The following CDH23 variants were observed in gnomAD, a reference collection of about 807,000 sequenced individuals.
CDH23 encodes cadherin related 23.
A neutral mutation model predicts 317.1 loss-of-function variants in CDH23; 189 were observed. The observed-to-expected ratio is 0.60, with a 90% CI of 0.53 to 0.67. CDH23 has a LOEUF of 0.67. CDH23 is among the 30% of genes least tolerant of loss of function. The probability of loss-of-function intolerance (pLI) is 0.00; values close to 1 mark genes in which losing one functional copy is unlikely to be tolerated. For missense variants in CDH23, 4,401 were observed against 4,592.4 expected, an observed-to-expected ratio of 0.96 and a Z score of 1.20; for synonymous variants, 1,839 against 1,876.8, an observed-to-expected ratio of 0.98 and a Z score of 0.52.
chr10:71,416,321 A>G (rs958619928), intron 1 of CDH23, among the ~76,000 whole-genome samples: 1 of 152,178 alleles, frequency 6.6e-6, no homozygotes, highest in African/African-American at 2.4e-5. Context: ...CACTGTGCCC[A>G]GCTATAGCCT....
intron 62 of CDH23, among the ~76,000 whole-genome samples, chr10:71,810,973 AGGAGG>A (rs2132999812): frequency 6.6e-6 from 1 of 150,918 alleles, no homozygotes; most frequent in South Asian, 2.1e-4. Flanking sequence ...CCAGCTACTC[AGGAGG>A]CTGAGGCAGG....
chr10:71,622,212 T>G (rs1379830918), intron 11 of CDH23, among the ~76,000 whole-genome samples: 5 of 152,232 alleles, frequency 3.3e-5, no homozygotes, highest in African/African-American at 7.2e-5. Flanking sequence ...AGTCCTATAA[T>G]GTATATATCC....
chr10:71,694,688 G>A (rs1016207790), intron 21 of CDH23, among the ~76,000 whole-genome samples: 6 of 152,214 alleles, frequency 3.9e-5, no homozygotes, highest in South Asian at 2.1e-4. Flanking sequence ...GTGCCCCAGA[G>A]AGTAGAAAGC....
chr10:71,545,865 G>A (rs1027129467), intron 6 of CDH23, among the ~76,000 whole-genome samples: 4 of 152,182 alleles, frequency 2.6e-5, no homozygotes. Context: ...GACTCTCCAG[G>A]TAGAGGACAG....
intron 3 of CDH23, among the ~76,000 whole-genome samples, chr10:71,454,405 A>T (rs1850588709): frequency 6.6e-6 from 1 of 152,236 alleles, no homozygotes; most frequent in African/African-American, 2.4e-5. Context: ...AATGTGTCAG[A>T]CAAGCTTCCT....
chr10:71,693,775 GTAAGA>G (rs1865271728), intron 20 of CDH23, among the ~76,000 whole-genome samples: 1 of 152,226 alleles, frequency 6.6e-6, no homozygotes, highest in Non-Finnish European at 1.5e-5. Flanking sequence ...GAGAAAGCCA[GTAAGA>G]TAATGTCAAA....
intron 37 of CDH23, among the ~76,000 whole-genome samples, 200 bp from the exon 38 acceptor site, chr10:71,741,494 G>A (rs754739093): frequency 2.0e-5 from 3 of 152,206 alleles, no homozygotes; most frequent in Non-Finnish European, 4.4e-5. Flanking sequence ...GACCCAGTGA[G>A]TTAATGCAGG....
chr10:71,523,307 T>TGGGGCA (rs1854808312), intron 6 of CDH23, among the ~76,000 whole-genome samples: 2 of 152,204 alleles, frequency 1.3e-5, no homozygotes, highest in Non-Finnish European at 2.9e-5. Context: ...TGGTCAAGGC[T>TGGGGCA]GGGGCAGGGC....
Position 71,809,817 on chromosome 10 carries a change from C to A in CDH23, c.8723-3C>A. 6.2e-7 allele frequency: 1 copy of A among 1,609,524 alleles called. No homozygotes were observed. The highest frequency in any genetic ancestry group is 8.5e-7 in the Non-Finnish European group (1 of 1,177,212). On this transcript the variant is annotated splice_polypyrimidine_tract_variant and splice_region_variant and intron_variant, in intron 60 of 69. Coordinates refer to ENST00000224721, the MANE Select transcript of CDH23 (RefSeq NM_022124.6). The stretch of plus-strand genomic sequence containing the variant: ...CCGTACCCCGCCTTTGGGCTTCCTG[C>A]AGGGAGCATGGACGGCATTCTGCGC...
intron 9 of CDH23, among the ~76,000 whole-genome samples, chr10:71,585,961 G>A (rs56294630): frequency 0.14 from 20,937 of 152,126 alleles, 1,952 homozygotes; most frequent in African/African-American, 0.25. Flanking sequence ...CCCTTTCTGC[G>A]TCTCGTCTTC....
chr10:71,511,413 T>C (rs999238163), intron 6 of CDH23, among the ~76,000 whole-genome samples: 1 of 152,074 alleles, frequency 6.6e-6, no homozygotes, highest in African/African-American at 2.4e-5. Context: ...GGAAGAGCAG[T>C]TGGGCCGGTA....
intron 18 of CDH23, among the ~76,000 whole-genome samples, chr10:71,684,434 C>A (rs1864788819): frequency 6.6e-6 from 1 of 152,016 alleles, no homozygotes. Context: ...GCCTGCTCCA[C>A]CCCCCCTGGA....
chr10:71,799,056 G>A (rs1841484629), intron 50 of CDH23, 55 bp from the exon 51 acceptor site: 4 of 1,531,450 alleles, frequency 2.6e-6, no homozygotes, highest in Non-Finnish European at 2.7e-6. Flanking sequence ...ATACTTTGGA[G>A]AGCTGCCATG....
At chr10:71,595,167 A>G (rs1403810384) in intron 9 of CDH23, among the ~76,000 whole-genome samples, 1 of 152,196 alleles carries the variant, frequency 6.6e-6, no homozygotes, top group East Asian at 1.9e-4. Flanking sequence ...GTAAATTACT[A>G]TCGATCACGA....
chr10:71,804,883 A>G (rs142272050), intron 55 of CDH23, among the ~76,000 whole-genome samples: 73 of 152,338 alleles, frequency 4.8e-4, no homozygotes, highest in African/African-American at 1.6e-3. Context: ...GTACAAATTA[A>G]TAATAATCTA....
chr10:71,552,946 C>G (rs1303952052), intron 6 of CDH23, among the ~76,000 whole-genome samples: 1 of 152,188 alleles, frequency 6.6e-6, no homozygotes, highest in Middle Eastern at 3.2e-3. Context: ...GCAGAACTCA[C>G]TGCAGAAACC....
chr10:71,734,605 G>A (rs1303824958), intron 33 of CDH23, 51 bp from the exon 34 acceptor site: 10 of 1,581,352 alleles, frequency 6.3e-6, no homozygotes, highest in Non-Finnish European at 8.6e-6. Context: ...CTAACCATTT[G>A]CATCTTTGCC....
In CDH23 at chr10:71,811,985, T is replaced by C; in HGVS notation, c.9350T>C (p.Met3117Thr). ...GNRGFIDIMD[M>T]PNTNKYSFDG... ...CGTGGCTTCATCGACATCATGGACATGCCTAACACCAACAAGTACTCCTTT... is the reference window on the plus strand; with the variant it reads ...CGTGGCTTCATCGACATCATGGACACGCCTAACACCAACAAGTACTCCTTT... The change falls in exon 66 of 70, where the codon ATG (methionine) becomes ACG (threonine). Residue 3117 changes from methionine to threonine, a missense_variant. Coordinates refer to ENST00000224721, the MANE Select transcript of CDH23 (RefSeq NM_022124.6). 1 of 1,559,216 alleles carries C rather than the reference T, an allele frequency of 6.4e-7. No homozygotes were observed. Among genetic ancestry groups the C allele is most frequent in the Non-Finnish European group, 8.7e-7 (1 of 1,146,902 alleles).
intron 26 of CDH23, among the ~76,000 whole-genome samples, chr10:71,707,860 C>G (rs1006158934): frequency 7.2e-5 from 11 of 152,148 alleles, no homozygotes; most frequent in African/African-American, 2.2e-4. Flanking sequence ...ACACACCAGC[C>G]TTCCCAATGC....
Sources: gnomAD v4.1 joint callset for allele counts (sites outside exome capture counted in the v4.1 genomes callset) on GRCh38, gnomAD v4.1.1 for gene constraint, MANE v1.5 for transcripts, NCBI Gene and HGNC (gene_info 2026-07-23, HGNC 2026-07-21) for gene names.